Variants in RPS6KC1 observed in about 807,000 individuals in gnomAD.
RPS6KC1 encodes the protein ribosomal protein S6 kinase C1, also known as inactive ribosomal protein S6 kinase delta-1.
In RPS6KC1, 54 loss-of-function variants were observed where a neutral mutation model predicts 103.8. The observed-to-expected ratio is 0.52, with a 90% CI of 0.42 to 0.65. The LOEUF (loss-of-function observed/expected upper bound fraction) is 0.65, where lower values mean the gene tolerates loss of function less well. RPS6KC1 is among the 30% of genes least tolerant of loss of function. RPS6KC1 has a pLI of 0.00. For missense variants in RPS6KC1, 1,151 were observed against 1,253.8 expected (o/e 0.92, Z 1.24); for synonymous variants, 439 against 438.7 (o/e 1.00, Z -0.01).
chr1:213,140,636 A>G (rs898232334), intron 6 of RPS6KC1, among the ~76,000 whole-genome samples: 3 of 152,098 alleles, frequency 2.0e-5, no homozygotes, highest in African/African-American at 7.2e-5. Flanking sequence ...TGGTGATCAC[A>G]TTTATTGATT....
chr1:213,183,883 G>T (rs1031011814), intron 8 of RPS6KC1, among the ~76,000 whole-genome samples: 7 of 152,128 alleles, frequency 4.6e-5, no homozygotes, highest in African/African-American at 1.7e-4. Flanking sequence ...CCTCTAACAA[G>T]AGAGACAAAA....
the RPS6KC1 span, among the ~76,000 whole-genome samples, chr1:213,691,910 C>G: frequency 3.3e-5 from 5 of 152,152 alleles, no homozygotes; most frequent in African/African-American, 1.2e-4. Flanking sequence ...CAAGGACAAG[C>G]GACGCAGAAG....
the RPS6KC1 span, among the ~76,000 whole-genome samples, chr1:213,534,962 G>A: frequency 3.3e-5 from 5 of 152,056 alleles, no homozygotes; most frequent in South Asian, 4.2e-4. Context: ...GATTAAGTTC[G>A]CACTGAGGAC....
chr1:213,789,396 G>A, the RPS6KC1 span, among the ~76,000 whole-genome samples: 1 of 152,152 alleles, frequency 6.6e-6, no homozygotes, highest in African/African-American at 2.4e-5. Context: ...AAAGAGTTTA[G>A]TATTATAGAA....
chr1:213,650,559 C>T, the RPS6KC1 span, among the ~76,000 whole-genome samples: 8 of 152,262 alleles, frequency 5.3e-5, no homozygotes, highest in East Asian at 1.9e-4. Flanking sequence ...CATCTATGTC[C>T]GCATCCGGGC....
At chr1:213,222,609 C>A (rs1347581780) in intron 8 of RPS6KC1, among the ~76,000 whole-genome samples, 1 of 152,084 alleles carries the variant, frequency 6.6e-6, no homozygotes, top group East Asian at 1.9e-4. Context: ...AGAAGTTAGA[C>A]CCCAGTTGGG....
At chr1:213,614,172 T>C in the RPS6KC1 span, among the ~76,000 whole-genome samples, 1 of 152,298 alleles carries the variant, frequency 6.6e-6, no homozygotes, top group Middle Eastern at 3.4e-3. Context: ...GTGAAGTGGC[T>C]CACCCAAAGT....
At chr1:213,370,027 C>A in the RPS6KC1 span, among the ~76,000 whole-genome samples, 1 of 152,154 alleles carries the variant, frequency 6.6e-6, no homozygotes. Flanking sequence ...CACTATGGTG[C>A]CTGTGTTGAG....
chr1:213,178,560 C>CA lies in RPS6KC1; in HGVS notation c.1044+2077dup, dbSNP rs916101243. 5.3e-3 allele frequency among the ~76,000 whole-genome samples: 791 copies of CA among 148,068 alleles called. 6 individuals carry two copies. The highest frequency in any genetic ancestry group is 0.017 in the African/African-American group (706 of 40,380). ...TGTCTCAAAAAAACAAACAAACAAA[C>CA]AAAAAAAAACACAACAAAACAGGAA... On this transcript the variant is annotated intron_variant, in intron 8 of 14. Coordinates refer to ENST00000366960, the MANE Select transcript of RPS6KC1 (RefSeq NM_012424.6).
At chr1:213,616,935 C>T in the RPS6KC1 span, among the ~76,000 whole-genome samples, 1 of 152,176 alleles carries the variant, frequency 6.6e-6, no homozygotes, top group Non-Finnish European at 1.5e-5. Flanking sequence ...CTCTGCTCTG[C>T]CAGTTTTGAG....
At chr1:213,359,200 C>A in the RPS6KC1 span, among the ~76,000 whole-genome samples, 4 of 152,064 alleles carry the variant, frequency 2.6e-5, no homozygotes, top group African/African-American at 9.7e-5. Flanking sequence ...TAAGTCTCCT[C>A]GTAGGTCTCT....
chr1:213,279,982 A>C, the RPS6KC1 span, among the ~76,000 whole-genome samples: 3 of 152,168 alleles, frequency 2.0e-5, no homozygotes, highest in Non-Finnish European at 4.4e-5. Context: ...TTTGGGAGCT[A>C]CTGGCTTTGT....
chr1:213,157,167 G>A (rs1206716185), intron 6 of RPS6KC1, among the ~76,000 whole-genome samples: 1 of 151,046 alleles, frequency 6.6e-6, no homozygotes, highest in Non-Finnish European at 1.5e-5. Context: ...GTATTTTTAA[G>A]ATATGCATTC....
intron 8 of RPS6KC1, among the ~76,000 whole-genome samples, chr1:213,217,400 A>C (rs535933249): frequency 6.6e-6 from 1 of 152,220 alleles, no homozygotes; most frequent in Non-Finnish European, 1.5e-5. Flanking sequence ...AACCAAAAAA[A>C]GTCCAGGACC....
chr1:213,154,166 T>A (rs539421982), intron 6 of RPS6KC1, among the ~76,000 whole-genome samples: 1 of 122,726 alleles, frequency 8.1e-6, no homozygotes, highest in African/African-American at 3.2e-5. Context: ...GTGACACCCC[T>A]GGGGCCACCA....
chr1:213,314,710 T>A, the RPS6KC1 span, among the ~76,000 whole-genome samples: 2 of 152,006 alleles, frequency 1.3e-5, no homozygotes, highest in Non-Finnish European at 2.9e-5. Context: ...TGAAAATACT[T>A]TGGGGGAAAT....
Position 213,151,861 on chromosome 1 carries a change from G to A in RPS6KC1, c.836-15997G>A, listed in dbSNP as rs1398208972. Among the ~76,000 whole-genome samples, 668 of 122,968 alleles carry A rather than the reference G, an allele frequency of 5.4e-3. 16 individuals carry two copies. The highest frequency in any genetic ancestry group is 0.019 in the African/African-American group (581 of 29,882). The allele number at this position is 122,968 out of a possible 152,430, so 80.7% of individuals were successfully genotyped here. A position where few individuals can be genotyped will look rare whatever the true frequency, so the allele number is the denominator to read the frequency against. On this transcript the variant is annotated intron_variant, in intron 6 of 14. Transcript: ENST00000366960. ...CCCCCACCTCCCTCCCGGACGGGGC[G>A]GCTGGCCGGGCGGGGGGCTGATCCC...
chr1:213,422,677 C>T, the RPS6KC1 span, among the ~76,000 whole-genome samples: 15 of 152,082 alleles, frequency 9.9e-5, no homozygotes, highest in Admixed American at 2.0e-4. Flanking sequence ...AGGAACTAGG[C>T]GAGGAGAAAG....
intron 6 of RPS6KC1, among the ~76,000 whole-genome samples, chr1:213,151,918 G>T (rs1327107452): frequency 7.5e-5 from 9 of 119,854 alleles, no homozygotes; most frequent in South Asian, 5.6e-4. Context: ...GCGGCTGGCC[G>T]GGCGGGGGGC....
Sources: allele counts gnomAD v4.1 joint callset (sites outside exome capture counted in the v4.1 genomes callset), GRCh38; gene constraint gnomAD v4.1.1; transcripts MANE v1.5; gene names NCBI Gene and HGNC (gene_info 2026-07-23, HGNC 2026-07-21).